The following FIP1L1 variants were observed in gnomAD, a reference collection of about 807,000 sequenced individuals.
The protein encoded by FIP1L1 is factor interacting with PAPOLA and CPSF1, also known as pre-mRNA 3'-end-processing factor FIP1.
FIP1L1 carries 21 observed loss-of-function variants against 84.6 expected under a neutral mutation model. The ratio of observed to expected loss-of-function variants is 0.25; its 90% CI spans 0.18 to 0.36. The LOEUF is 0.36. Among genes scored for constraint, FIP1L1 ranks in the 10% least tolerant of loss-of-function variants. The pLI, the probability that FIP1L1 is intolerant of heterozygous loss-of-function variation, is 1.00. For synonymous variants in FIP1L1, 263 were observed against 242.3 expected (o/e 1.09, Z -0.80); for missense variants, 526 against 751.1 (o/e 0.70, Z 3.50).
intron 5 of FIP1L1, among the ~76,000 whole-genome samples, chr4:53,385,907 AAGTC>A (rs1166431508): frequency 1.3e-5 from 2 of 152,166 alleles, no homozygotes; most frequent in African/African-American, 4.8e-5. Context: ...CTTGAAAACA[AAGTC>A]AGTGAGAAAA....
Position 53,421,086 on chromosome 4 carries a change from G to A in FIP1L1, c.924-4786G>A, listed in dbSNP as rs1414346871. Among the ~76,000 whole-genome samples, 5 of 152,224 alleles carry A rather than the reference G, an allele frequency of 3.3e-5. No homozygotes were observed. The East Asian group carries it at 7.7e-4, about 24-fold the overall frequency. ...TGTGCATCAGGATTTTGATATGCAG[G>A]CAAGGTTGAGAACCACTGATTTAGA... On this transcript the variant is annotated intron_variant, in intron 11 of 17. Transcript: ENST00000337488.
At chr4:53,413,533 T>C (rs1302400002) in intron 10 of FIP1L1, among the ~76,000 whole-genome samples, 5 of 152,050 alleles carry the variant, frequency 3.3e-5, no homozygotes, top group African/African-American at 7.2e-5. Context: ...TCCTTTTTTT[T>C]CCACAATGAG....
intron 11 of FIP1L1, among the ~76,000 whole-genome samples, chr4:53,417,763 ACTCTCTCTCTCT>A (rs58568620): frequency 0.093 from 9,593 of 103,470 alleles, 542 homozygotes; most frequent in Admixed American, 0.15. Flanking sequence ...ACACACACAC[ACTCTCTCTCTCT>A]CTCTCTCTCT....
At chr4:53,395,772 G>A (rs778639455) in intron 9 of FIP1L1, among the ~76,000 whole-genome samples, 1 of 151,974 alleles carries the variant, frequency 6.6e-6, no homozygotes. Flanking sequence ...GTATATCTAC[G>A]TTAATTTTTC....
rs183271016 is a variant in FIP1L1 at position 53,382,239 on chromosome 4, G to A, written c.171-39G>A. The A allele has an allele frequency of 1.2e-5, 17 of 1,470,006 alleles. No individual in the cohort carries two copies. In the East Asian group the frequency reaches 3.9e-4, roughly 33 times the overall value. The allele number at this position is 1,470,006 out of a possible 1,614,324, so 91.1% of individuals were successfully genotyped here. A position where few individuals can be genotyped will look rare whatever the true frequency, so the allele number is the denominator to read the frequency against. On this transcript the variant is annotated intron_variant, in intron 3 of 17. Coordinates refer to ENST00000337488, the MANE Select transcript of FIP1L1 (RefSeq NM_030917.4). ...TATAATCTATCTGTACTTCCGAAAA[G>A]TAATGCCTGACATGTATACTTACTT...
At chr4:53,396,550 C>T (rs28647402) in intron 9 of FIP1L1, among the ~76,000 whole-genome samples, 19,737 of 151,918 alleles carry the variant, frequency 0.13, 2,559 homozygotes, top group African/African-American at 0.32. Flanking sequence ...GGATTACAGG[C>T]GCCTGCCACC....
chr4:53,384,475 T>C (rs1214482927), intron 5 of FIP1L1, among the ~76,000 whole-genome samples: 1 of 152,240 alleles, frequency 6.6e-6, no homozygotes, highest in Non-Finnish European at 1.5e-5. Flanking sequence ...AAATTGTAAT[T>C]TGTATCTGTA....
intron 10 of FIP1L1, among the ~76,000 whole-genome samples, chr4:53,406,993 T>G (rs1435455515): frequency 6.6e-6 from 1 of 152,224 alleles, no homozygotes; most frequent in Non-Finnish European, 1.5e-5. Context: ...GAAGGGTTTT[T>G]TGTGTCTCTA....
chr4:53,389,724 A>G, intron 5 of FIP1L1, 85 bp from the exon 6 acceptor site: 8 of 1,011,662 alleles, frequency 7.9e-6, no homozygotes, highest in Non-Finnish European at 1.2e-5. Flanking sequence ...TGATTGTATA[A>G]TTTGTTTGTA....
intron 10 of FIP1L1, among the ~76,000 whole-genome samples, chr4:53,409,848 G>T (rs571563505): frequency 1.3e-5 from 2 of 152,322 alleles, no homozygotes; most frequent in Admixed American, 6.5e-5. Flanking sequence ...TTGGAAAAGC[G>T]CAGTATTAGG....
intron 9 of FIP1L1, 106 bp from the exon 10 acceptor site, chr4:53,399,624 G>A (rs1417899458): frequency 4.2e-6 from 3 of 712,024 alleles, no homozygotes; most frequent in Admixed American, 5.2e-5. Flanking sequence ...AACATTCTTA[G>A]TGTTTAACTT....
intron 17 of FIP1L1, 76 bp downstream of exon 17, chr4:53,458,866 G>A: frequency 1.3e-6 from 2 of 1,493,062 alleles, no homozygotes; most frequent in Non-Finnish European, 1.8e-6. Context: ...ATTGGAAGAG[G>A]GGAAATTTTG....
At chr4:53,404,770 G>A (rs1418841730) in intron 10 of FIP1L1, among the ~76,000 whole-genome samples, 4 of 152,142 alleles carry the variant, frequency 2.6e-5, no homozygotes, top group Non-Finnish European at 5.9e-5. Flanking sequence ...CAGTGATGGT[G>A]AGCATTTTTT....
At chr4:53,407,822 C>T (rs949087298) in intron 10 of FIP1L1, among the ~76,000 whole-genome samples, 5 of 151,928 alleles carry the variant, frequency 3.3e-5, no homozygotes, top group African/African-American at 4.8e-5. Context: ...GCAACCCCTG[C>T]CTTTTTTTGT....
In FIP1L1 at chr4:53,428,424, T is replaced by C. The variant is rs565799418; in HGVS notation, c.1174+241T>C. On this transcript the variant is annotated intron_variant, in intron 13 of 17. Coordinates refer to ENST00000337488, the MANE Select transcript of FIP1L1 (RefSeq NM_030917.4). ...ATACCAATCTTGTGATTCAAAAATA[T>C]GATAATGATCCCCAAACTTAAGTTG... 3.3e-5 allele frequency among the ~76,000 whole-genome samples: 5 copies of C among 152,316 alleles called. 1 individual carries two copies. Among genetic ancestry groups the C allele is most frequent in the Middle Eastern group, 3.4e-3 (1 of 294 alleles).
intron 3 of FIP1L1, among the ~76,000 whole-genome samples, chr4:53,380,587 A>G (rs1157940410): frequency 1.3e-5 from 2 of 152,192 alleles, no homozygotes; most frequent in African/African-American, 4.8e-5. Context: ...AAATGGATAG[A>G]GGGAAAAAGT....
chr4:53,428,607 A>G (rs1765273085), intron 13 of FIP1L1, among the ~76,000 whole-genome samples: 2 of 151,924 alleles, frequency 1.3e-5, no homozygotes, highest in Non-Finnish European at 2.9e-5. Context: ...CTTCTTCTGT[A>G]TACCGGTTTC....
At chr4:53,407,357 G>T (rs754300503) in intron 10 of FIP1L1, among the ~76,000 whole-genome samples, 21 of 152,158 alleles carry the variant, frequency 1.4e-4, no homozygotes, top group African/African-American at 4.3e-4. Context: ...TAGTTTGATT[G>T]CACTGTGGTC....
chr4:53,427,680 T>G (rs527527237), intron 12 of FIP1L1, among the ~76,000 whole-genome samples: 2 of 152,308 alleles, frequency 1.3e-5, no homozygotes, highest in East Asian at 3.9e-4. Flanking sequence ...CAACTTTGGT[T>G]GGGTGACAAA....
Sources: gnomAD v4.1 joint callset for allele counts (sites outside exome capture counted in the v4.1 genomes callset) on GRCh38, gnomAD v4.1.1 for gene constraint, MANE v1.5 for transcripts, NCBI Gene and HGNC (gene_info 2026-07-23, HGNC 2026-07-21) for gene names.